Variants in STX8 observed in about 807,000 individuals in gnomAD.
STX8 encodes the protein syntaxin-8.
Under a neutral mutation model 37.5 loss-of-function variants are expected in STX8, and 23 were observed. The ratio of observed to expected loss-of-function variants is 0.61; its 90% CI spans 0.44 to 0.87. STX8 has a LOEUF of 0.87. STX8 is among the 40% of genes least tolerant of loss of function. The pLI is 0.00. For synonymous variants in STX8, 115 were observed against 99.1 expected, an observed-to-expected ratio of 1.16 and a Z score of -0.95; for missense variants, 313 against 284.7, an observed-to-expected ratio of 1.10 and a Z score of -0.71.
chr17:9,370,933 A>AC, intron 7 of STX8, among the ~76,000 whole-genome samples: 1 of 152,114 alleles, frequency 6.6e-6, no homozygotes, highest in South Asian at 2.1e-4. Flanking sequence ...AAAAAAAAAA[A>AC]AACAGTATTG....
In STX8 at chr17:9,568,433, C is replaced by A; in HGVS notation, c.55G>T (p.Glu19Ter). Residue 19 changes from glutamate to a stop codon, truncating the protein, a stop_gained, in exon 2 of 8, where the codon GAA becomes TAA. Transcript: ENST00000306357. LOFTEE classifies it high-confidence loss of function. The part of the protein sequence containing the change: ...TYDSTCQIAQ[E>*]IAEKIQQRNQ... ...CGTTGTTGAATTTTCTCAGCAATTT[C>A]TTGGGCAATTTGACAAGTAGAATCG... 6.2e-7 allele frequency: 1 copy of A among 1,612,840 alleles called. No individual in the cohort carries two copies.
At chr17:9,505,277 A>C (rs2249929) in intron 4 of STX8, 115 bp from the exon 5 acceptor site, 859,330 of 1,189,586 alleles carry the variant, frequency 0.72, 312,269 homozygotes, top group East Asian at 0.83. Flanking sequence ...CAATTCAAAC[A>C]CAATTTATTG....
At chr17:9,280,934 G>A (rs1369140982) in intron 7 of STX8, among the ~76,000 whole-genome samples, 2 of 152,310 alleles carry the variant, frequency 1.3e-5, no homozygotes, top group East Asian at 3.9e-4. Context: ...CAATTACAAA[G>A]ATGTTGGATG....
At chr17:9,566,539 C>G (rs1907468015) in intron 2 of STX8, among the ~76,000 whole-genome samples, 1 of 152,084 alleles carries the variant, frequency 6.6e-6, no homozygotes, top group Admixed American at 6.5e-5. Flanking sequence ...GTAATCTCAG[C>G]ACTTCGGGAG....
intron 7 of STX8, among the ~76,000 whole-genome samples, chr17:9,375,370 C>A (rs1429669961): frequency 3.3e-5 from 5 of 152,116 alleles, no homozygotes; most frequent in Admixed American, 2.0e-4. Flanking sequence ...ATACTACACA[C>A]CAGATATTAA....
intron 6 of STX8, among the ~76,000 whole-genome samples, chr17:9,460,356 T>C (rs1482952985): frequency 6.6e-6 from 1 of 152,154 alleles, no homozygotes; most frequent in Non-Finnish European, 1.5e-5. Context: ...GTCATATTTG[T>C]ATTTTGAATA....
intron 2 of STX8, among the ~76,000 whole-genome samples, chr17:9,566,758 G>A (rs1907476040): frequency 6.6e-6 from 1 of 151,854 alleles, no homozygotes; most frequent in South Asian, 2.1e-4. Context: ...CTGCACTCCA[G>A]CCTGGGCAAC....
intron 6 of STX8, among the ~76,000 whole-genome samples, chr17:9,440,531 T>TTA (rs1402174919): frequency 7.9e-5 from 12 of 151,764 alleles, no homozygotes; most frequent in African/African-American, 1.7e-4. Flanking sequence ...AATGATTTTT[T>TTA]TTTTTTTTTT....
chr17:9,459,267 A>G (rs755578343), intron 6 of STX8, among the ~76,000 whole-genome samples: 6 of 152,322 alleles, frequency 3.9e-5, no homozygotes, highest in Admixed American at 1.3e-4. Context: ...GCAAGAGGTG[A>G]AAATTATTAA....
chr17:9,365,464 A>T (rs756682049), intron 7 of STX8, among the ~76,000 whole-genome samples: 5 of 152,266 alleles, frequency 3.3e-5, no homozygotes, highest in South Asian at 2.1e-4. Flanking sequence ...TGGGACAAAG[A>T]ACATGTAGAC....
intron 3 of STX8, chr17:9,555,330 T>C (rs1906923522): frequency 1.3e-5 from 2 of 152,204 alleles, no homozygotes; most frequent in Non-Finnish European, 1.5e-5. Flanking sequence ...CTCTAATAAC[T>C]AGCAGAAATT....
chr17:9,408,202 A>T (rs771087660), intron 6 of STX8, among the ~76,000 whole-genome samples: 20 of 152,180 alleles, frequency 1.3e-4, no homozygotes, highest in Non-Finnish European at 2.5e-4. Context: ...AAAAAATCAG[A>T]GTTTAGTTCT....
intron 5 of STX8, among the ~76,000 whole-genome samples, chr17:9,493,459 C>T (rs1363765307): frequency 6.6e-6 from 1 of 152,182 alleles, no homozygotes; most frequent in Non-Finnish European, 1.5e-5. Flanking sequence ...CCAGCAACTT[C>T]TCCCAGCACA....
chr17:9,561,829 A>T (rs893387594), intron 2 of STX8, among the ~76,000 whole-genome samples: 2 of 152,176 alleles, frequency 1.3e-5, no homozygotes, highest in Admixed American at 1.3e-4. Flanking sequence ...AAGGCTTAAA[A>T]TGTTATACAA....
chr17:9,368,865 G>T (rs1453313847), intron 7 of STX8, among the ~76,000 whole-genome samples: 1 of 151,294 alleles, frequency 6.6e-6, no homozygotes, highest in Non-Finnish European at 1.5e-5. Flanking sequence ...AGTCATTAGT[G>T]ATTTACAGCA....
intron 7 of STX8, among the ~76,000 whole-genome samples, chr17:9,303,342 A>G (rs146074330): frequency 3.3e-5 from 5 of 152,278 alleles, no homozygotes; most frequent in African/African-American, 1.2e-4. Context: ...TCCAACCTAG[A>G]CTGCTCACTC....
At chr17:9,534,965 C>G (rs1905968876) in intron 4 of STX8, among the ~76,000 whole-genome samples, 1 of 152,062 alleles carries the variant, frequency 6.6e-6, no homozygotes, top group Non-Finnish European at 1.5e-5. Context: ...GGAACGTATT[C>G]TATGATAATG....
intron 7 of STX8, among the ~76,000 whole-genome samples, chr17:9,352,920 C>T (rs1188106690): frequency 6.6e-6 from 1 of 151,184 alleles, no homozygotes; most frequent in Non-Finnish European, 1.5e-5. Flanking sequence ...TTTTCAGGGT[C>T]TTACTCTGTT....
chr17:9,511,939 A>G (rs1337325078), intron 4 of STX8, among the ~76,000 whole-genome samples: 4 of 152,170 alleles, frequency 2.6e-5, no homozygotes, highest in Admixed American at 6.5e-5. Flanking sequence ...TGGTGTTTCT[A>G]TAAATAATGA....
Sources: allele counts gnomAD v4.1 joint callset (sites outside exome capture counted in the v4.1 genomes callset), GRCh38; gene constraint gnomAD v4.1.1; transcripts MANE v1.5; gene names NCBI Gene and HGNC (gene_info 2026-07-23, HGNC 2026-07-21).